CALN1: variants seen among roughly 807,000 people sequenced by gnomAD.
CALN1 encodes calneuron 1, also known as calcium-binding protein 8.
Under a neutral mutation model 30.6 loss-of-function variants are expected in CALN1, and 17 were observed. That is an observed-to-expected ratio of 0.56 (90% confidence interval 0.38 to 0.83). The LOEUF is 0.83. Among genes scored for constraint, CALN1 ranks in the 40% least tolerant of loss-of-function variants. The pLI is 0.00. For synonymous variants in CALN1, 156 were observed against 131.4 expected (o/e 1.19, Z -1.28); for missense variants, 291 against 354.9 (o/e 0.82, Z 1.45).
At chr7:72,361,815 G>C (rs1803587679) in intron 2 of CALN1, among the ~76,000 whole-genome samples, 1 of 152,182 alleles carries the variant, frequency 6.6e-6, no homozygotes, top group African/African-American at 2.4e-5. Flanking sequence ...GAAACTGTTT[G>C]ATTTCAAGGT....
rs377398436 is a variant in CALN1 at position 71,861,530 on chromosome 7, C to T, written c.502-51038G>A. On this transcript the variant is annotated intron_variant, in intron 5 of 6. Transcript: ENST00000395275. ...GTGGCTCACACCTGTAATCCCAACA[C>T]GTTGGGTGGCCGAGGCAAGGGGATC... 2.1e-4 allele frequency among the ~76,000 whole-genome samples: 32 copies of T among 151,986 alleles called. No homozygotes were observed. The East Asian group carries it at 5.6e-3, about 27-fold the overall frequency.
intron 5 of CALN1, among the ~76,000 whole-genome samples, chr7:71,852,288 A>T (rs1239511490): frequency 6.6e-6 from 1 of 152,054 alleles, no homozygotes; most frequent in Non-Finnish European, 1.5e-5. Context: ...TTCTCTTGGG[A>T]AAATACCTAG....
chr7:72,085,591 G>A (rs1428141798), intron 4 of CALN1, among the ~76,000 whole-genome samples: 1 of 152,076 alleles, frequency 6.6e-6, no homozygotes, highest in Non-Finnish European at 1.5e-5. Flanking sequence ...GATAAGGAGG[G>A]GTTATTATAT....
At chr7:72,129,438 G>GGT (rs1808988756) in intron 3 of CALN1, among the ~76,000 whole-genome samples, 2 of 151,962 alleles carry the variant, frequency 1.3e-5, no homozygotes, top group African/African-American at 2.4e-5. Context: ...AATATTGTGC[G>GGT]GTGTGTGTGT....
intron 3 of CALN1, among the ~76,000 whole-genome samples, chr7:72,186,167 G>T (rs531072656): frequency 1.3e-5 from 2 of 152,180 alleles, no homozygotes; most frequent in African/African-American, 4.8e-5. Flanking sequence ...CTCCACTAGA[G>T]CTTCCAGAAG....
chr7:72,386,165 T>G (rs1274050191), intron 2 of CALN1, among the ~76,000 whole-genome samples: 1 of 152,236 alleles, frequency 6.6e-6, no homozygotes, highest in Non-Finnish European at 1.5e-5. Flanking sequence ...ACTGTAATTG[T>G]GGATACATGA....
At chr7:71,790,233 G>T (rs957518519) in intron 6 of CALN1, among the ~76,000 whole-genome samples, 3 of 147,452 alleles carry the variant, frequency 2.0e-5, no homozygotes, top group East Asian at 2.0e-4. Flanking sequence ...GCGAAAGAAA[G>T]AATGAAAGAA....
intron 5 of CALN1, among the ~76,000 whole-genome samples, chr7:71,856,017 T>G (rs190067170): frequency 6.6e-6 from 1 of 152,118 alleles, no homozygotes; most frequent in East Asian, 1.9e-4. Context: ...AGGGTCTCTA[T>G]GTATGTATGT....
the CALN1 span, among the ~76,000 whole-genome samples, chr7:72,452,240 G>C: frequency 5.9e-5 from 9 of 152,062 alleles, no homozygotes; most frequent in African/African-American, 1.9e-4. Context: ...ACTCCTTGTG[G>C]GGTCTCTGCT....
intron 2 of CALN1, among the ~76,000 whole-genome samples, chr7:72,316,711 G>A (rs145955739): frequency 2.0e-5 from 3 of 152,192 alleles, no homozygotes; most frequent in African/African-American, 7.2e-5. Context: ...CGAGGTGGGA[G>A]GATGAGAGGA....
the CALN1 span, among the ~76,000 whole-genome samples, chr7:72,454,625 C>CT: frequency 6.6e-6 from 1 of 152,186 alleles, no homozygotes; most frequent in African/African-American, 2.4e-5. Context: ...TATTCCTTCA[C>CT]TACAGGAAGG....
At position 71,899,189 on chromosome 7, in the gene CALN1, G is replaced by C. The variant is rs190467436; in HGVS notation, c.502-88697C>G. Among the ~76,000 whole-genome samples, 791 of 148,330 alleles carry C rather than the reference G, an allele frequency of 5.3e-3. 8 individuals are homozygous for C. The highest frequency in any genetic ancestry group is 0.035 in the South Asian group (162 of 4,686). The stretch of plus-strand genomic sequence containing the variant: ...AGACGGAGTTTCACTCGTCGCCCAG[G>C]CTGGAGTGTAATGGCGCGATCTCGG... On this transcript the variant is annotated intron_variant, in intron 5 of 6. Transcript: ENST00000395275.
At position 72,311,618 on chromosome 7, in the gene CALN1, T is replaced by A. The variant is rs577819898; in HGVS notation, c.120-32808A>T. Among the ~76,000 whole-genome samples, 89 of 149,416 alleles carry A rather than the reference T, an allele frequency of 6.0e-4. 3 individuals are homozygous for A. The South Asian group carries it at 0.018, about 31-fold the overall frequency. The stretch of plus-strand genomic sequence containing the variant: ...CCTCAGCCTCCCAAGTAGCTGGGAC[T>A]ACAGGCACATGCCACCACAACGCCT... On this transcript the variant is annotated intron_variant, in intron 2 of 6. Transcript: ENST00000395275.
At chr7:71,898,244 C>T (rs1172213475) in intron 5 of CALN1, among the ~76,000 whole-genome samples, 2 of 152,012 alleles carry the variant, frequency 1.3e-5, no homozygotes, top group Non-Finnish European at 2.9e-5. Context: ...ACAGTAGAAT[C>T]GCTTGAACCC....
At chr7:72,269,166 A>G (rs1796799052) in intron 3 of CALN1, among the ~76,000 whole-genome samples, 2 of 152,120 alleles carry the variant, frequency 1.3e-5, no homozygotes, top group Admixed American at 1.3e-4. Context: ...TTCCCCATGA[A>G]CATCTGGTTG....
At chr7:71,871,727 C>T (rs2116738676) in intron 5 of CALN1, among the ~76,000 whole-genome samples, 1 of 152,234 alleles carries the variant, frequency 6.6e-6, no homozygotes, top group Non-Finnish European at 1.5e-5. Context: ...CTCTAGTTTC[C>T]CATGAATCAC....
chr7:72,143,749 G>C (rs1423015243), intron 3 of CALN1, among the ~76,000 whole-genome samples: 14 of 152,222 alleles, frequency 9.2e-5, no homozygotes, highest in African/African-American at 3.4e-4. Flanking sequence ...CCCACAAAGG[G>C]AAGCCCATCA....
chr7:72,400,268 T>C (rs1806249016), intron 2 of CALN1, among the ~76,000 whole-genome samples: 1 of 152,128 alleles, frequency 6.6e-6, no homozygotes, highest in African/African-American at 2.4e-5. Flanking sequence ...CACTACTGAT[T>C]TGATCTGGAG....
chr7:72,319,467 A>C (rs1472810438), intron 2 of CALN1, among the ~76,000 whole-genome samples: 2 of 152,316 alleles, frequency 1.3e-5, no homozygotes, highest in East Asian at 3.9e-4. Context: ...CCCATGATTC[A>C]ACTACCTCCC....
Sources: allele counts gnomAD v4.1 joint callset (sites outside exome capture counted in the v4.1 genomes callset), GRCh38; gene constraint gnomAD v4.1.1; transcripts MANE v1.5; gene names NCBI Gene and HGNC (gene_info 2026-07-23, HGNC 2026-07-21).